Variants in PID1 observed in about 807,000 individuals in gnomAD.
PID1 encodes the protein PTB-containing, cubilin and LRP1-interacting protein.
A neutral mutation model predicts 19.1 loss-of-function variants in PID1; 10 were observed. That is an observed-to-expected ratio of 0.52 (90% CI 0.32 to 0.89). PID1 has a LOEUF of 0.89. Ranked by LOEUF, PID1 falls within the 40% of genes least tolerant of loss-of-function variation. PID1 has a pLI of 0.03. For synonymous variants in PID1, 130 were observed against 116.0 expected (o/e 1.12, Z -0.78); for missense variants, 248 against 285.3 (o/e 0.87, Z 0.94).
chr2:229,123,181 C>T (rs947281425), intron 2 of PID1, among the ~76,000 whole-genome samples: 2 of 152,150 alleles, frequency 1.3e-5, no homozygotes, highest in Non-Finnish European at 2.9e-5. Context: ...CATCCTACCA[C>T]CAGGCCCCAC....
At chr2:229,167,432 T>C in intron 1 of PID1, among the ~76,000 whole-genome samples, 1 of 151,792 alleles carries the variant, frequency 6.6e-6, no homozygotes, top group Admixed American at 6.5e-5. Flanking sequence ...GCCACTTCTG[T>C]AGTAGTCCTG....
intron 2 of PID1, among the ~76,000 whole-genome samples, chr2:229,052,441 A>G (rs1167991015): frequency 1.3e-5 from 2 of 152,186 alleles, no homozygotes; most frequent in Non-Finnish European, 2.9e-5. Context: ...TAGCAATAAA[A>G]TTTCATAGTA....
chr2:229,224,184 A>G (rs1426924171), intron 1 of PID1, among the ~76,000 whole-genome samples: 1 of 152,128 alleles, frequency 6.6e-6, no homozygotes, highest in Non-Finnish European at 1.5e-5. Context: ...AAAATAACCA[A>G]TGTTGGCGAT....
chr2:229,094,551 T>C (rs763108824), intron 2 of PID1, among the ~76,000 whole-genome samples: 1 of 151,972 alleles, frequency 6.6e-6, no homozygotes, highest in Non-Finnish European at 1.5e-5. Context: ...ACTAAAAGGA[T>C]ATAGTAACCA....
chr2:229,093,831 C>A (rs202034549), intron 2 of PID1, among the ~76,000 whole-genome samples: 1 of 151,960 alleles, frequency 6.6e-6, no homozygotes, highest in African/African-American at 2.4e-5. Flanking sequence ...TCATATATGA[C>A]AAACCCACAG....
chr2:229,223,127 T>C (rs1350159054), intron 1 of PID1, among the ~76,000 whole-genome samples: 1 of 152,224 alleles, frequency 6.6e-6, no homozygotes. Context: ...AGAAATTTTA[T>C]GATTCCTTAA....
intron 2 of PID1, among the ~76,000 whole-genome samples, chr2:229,149,755 C>T (rs1186146131): frequency 6.6e-6 from 1 of 152,166 alleles, no homozygotes; most frequent in Admixed American, 6.5e-5. Flanking sequence ...GGCCAAGTGC[C>T]TCACTCAAGA....
At chr2:229,160,571 G>T (rs1690472942) in intron 1 of PID1, among the ~76,000 whole-genome samples, 1 of 152,092 alleles carries the variant, frequency 6.6e-6, no homozygotes. Flanking sequence ...GGCACAGCTG[G>T]AACAGAAATA....
chr2:229,035,338 G>T (rs973393576), intron 2 of PID1, among the ~76,000 whole-genome samples: 2 of 152,084 alleles, frequency 1.3e-5, no homozygotes, highest in African/African-American at 4.8e-5. Flanking sequence ...TCTCTTCCCT[G>T]GATCTCCTGT....
At chr2:229,158,257 G>A (rs1226184516) in intron 1 of PID1, among the ~76,000 whole-genome samples, 6 of 152,098 alleles carry the variant, frequency 3.9e-5, no homozygotes, top group South Asian at 2.1e-4. Flanking sequence ...TCAATGGTAC[G>A]TTTCTTCTGC....
chr2:229,069,671 G>A (rs1449309380), intron 2 of PID1, among the ~76,000 whole-genome samples: 1 of 152,188 alleles, frequency 6.6e-6, no homozygotes, highest in Non-Finnish European at 1.5e-5. Context: ...ACAGAATTCA[G>A]TAAGACGCTG....
At chr2:229,189,656 C>T (rs1233799876) in intron 1 of PID1, among the ~76,000 whole-genome samples, 1 of 152,172 alleles carries the variant, frequency 6.6e-6, no homozygotes, top group Non-Finnish European at 1.5e-5. Context: ...GAGATTGCAC[C>T]ACTGCACTCT....
At chr2:229,173,027 T>A (rs1177430340) in intron 1 of PID1, among the ~76,000 whole-genome samples, 1 of 152,074 alleles carries the variant, frequency 6.6e-6, no homozygotes, top group Non-Finnish European at 1.5e-5. Context: ...ACCACTGGCC[T>A]CAATGCACTT....
chr2:229,135,219 G>A (rs1371648817), intron 2 of PID1, among the ~76,000 whole-genome samples: 2 of 152,262 alleles, frequency 1.3e-5, no homozygotes, highest in East Asian at 3.9e-4. Flanking sequence ...CATCGTTCAC[G>A]TGGTTTGTTC....
intron 1 of PID1, among the ~76,000 whole-genome samples, chr2:229,170,204 ATGTG>A (rs541392780): frequency 6.5e-4 from 99 of 152,270 alleles, no homozygotes; most frequent in African/African-American, 2.3e-3. Flanking sequence ...TAATATAAAT[ATGTG>A]TGTGTATGTG....
chr2:229,222,564 A>G (rs1691993934), intron 1 of PID1, among the ~76,000 whole-genome samples: 1 of 152,122 alleles, frequency 6.6e-6, no homozygotes, highest in African/African-American at 2.4e-5. Flanking sequence ...GCTCATGTCT[A>G]TGAGGGTGCT....
chr2:229,246,519 T>C (rs771790733), intron 1 of PID1, among the ~76,000 whole-genome samples: 10 of 152,158 alleles, frequency 6.6e-5, no homozygotes, highest in Non-Finnish European at 1.5e-4. Context: ...ACTCTATTCA[T>C]GTTGAGCTGT....
intron 2 of PID1, among the ~76,000 whole-genome samples, chr2:229,149,538 T>C (rs1465433625): frequency 2.6e-5 from 4 of 152,274 alleles, no homozygotes; most frequent in South Asian, 2.1e-4. Context: ...CTCCCTTCTA[T>C]GAAACTGTAA....
chr2:229,271,144 C>T lies in PID1; in HGVS notation c.-101G>A. On this transcript the variant is annotated 5_prime_UTR_variant, in exon 1 of 3. Coordinates refer to ENST00000392055, the MANE Select transcript of PID1 (RefSeq NM_001100818.2). The stretch of plus-strand genomic sequence containing the variant: ...CCGCTTTACATCTGGGGTCGGTGTC[C>T]GCGGGATGTGCGTCCTGGCGCTGGC... The T allele has an allele frequency of 7.4e-7, 1 of 1,346,954 alleles. No individual in the cohort carries two copies. The highest frequency in any genetic ancestry group is 2.7e-5 in the East Asian group (1 of 36,698). The allele number at this position is 1,346,954 out of a possible 1,614,324, so 83.4% of individuals were successfully genotyped here. A position where few individuals can be genotyped will look rare whatever the true frequency, so the allele number is the denominator to read the frequency against.
Sources: allele counts gnomAD v4.1 joint callset (sites outside exome capture counted in the v4.1 genomes callset), GRCh38; gene constraint gnomAD v4.1.1; transcripts MANE v1.5; gene names NCBI Gene and HGNC (gene_info 2026-07-23, HGNC 2026-07-21).